ADGRG6: variants seen among roughly 807,000 people sequenced by gnomAD.
The protein encoded by ADGRG6 is G-protein coupled receptor 126.
ADGRG6 carries 84 observed loss-of-function variants against 142.4 expected under a neutral mutation model. The observed-to-expected ratio is 0.59, with a 90% CI of 0.49 to 0.71. The LOEUF (loss-of-function observed/expected upper bound fraction) is 0.71. ADGRG6 is among the 30% of genes least tolerant of loss of function. The pLI is 0.00. For missense variants in ADGRG6, 1,367 were observed against 1,466.6 expected, an observed-to-expected ratio of 0.93 and a Z score of 1.11; for synonymous variants, 521 against 520.5, an observed-to-expected ratio of 1.00 and a Z score of -0.01.
intron 2 of ADGRG6, among the ~76,000 whole-genome samples, chr6:142,321,624 G>A (rs975099675): frequency 6.6e-6 from 1 of 151,988 alleles, no homozygotes; most frequent in Non-Finnish European, 1.5e-5. Flanking sequence ...TTGTTTATAT[G>A]GAATTACGGA....
intron 19 of ADGRG6, among the ~76,000 whole-genome samples, chr6:142,415,452 C>T (rs955005914): frequency 6.6e-6 from 1 of 151,730 alleles, no homozygotes; most frequent in African/African-American, 2.4e-5. Flanking sequence ...CATTAAAAAT[C>T]AAAAAGGTTC....
At chr6:142,382,604 A>G (rs1781823847) in intron 5 of ADGRG6, among the ~76,000 whole-genome samples, 2 of 152,248 alleles carry the variant, frequency 1.3e-5, no homozygotes, top group Non-Finnish European at 2.9e-5. Context: ...TAAATAATAC[A>G]TAATTAAAGT....
chr6:142,321,619 T>C (rs1395717747), intron 2 of ADGRG6, among the ~76,000 whole-genome samples: 3 of 152,190 alleles, frequency 2.0e-5, no homozygotes, highest in Admixed American at 6.6e-5. Flanking sequence ...TGATTTTGTT[T>C]ATATGGAATT....
In ADGRG6 at chr6:142,438,342, T is replaced by A; in HGVS notation, c.3552T>A (p.Tyr1184Ter). ...TSKSKSSSTT[Y>*]FKRNSHTDSA... Reference sequence around the variant, plus strand: ...AATCTAAATCCAGCTCTACCACCTATTTCAAAAGGAATAGCCACACAGGTG... The same window carrying A: ...AATCTAAATCCAGCTCTACCACCTAATTCAAAAGGAATAGCCACACAGGTG... Residue 1184 changes from tyrosine (Y) to a stop codon, truncating the protein, a stop_gained, in exon 24 of 25, where the codon TAT becomes TAA. Coordinates refer to ENST00000367609, the MANE Select transcript of ADGRG6 (RefSeq NM_198569.3). LOFTEE classifies it high-confidence loss of function. The A allele has an allele frequency of 6.2e-7, 1 of 1,608,914 alleles. No individual in the cohort carries two copies. Among genetic ancestry groups the A allele is most frequent in the South Asian group, 1.1e-5 (1 of 90,182 alleles).
Position 142,329,918 on chromosome 6 carries a change from A to G in ADGRG6, c.103+20274A>G, listed in dbSNP as rs1185236022. Reference sequence around the variant, plus strand: ...GAAGACAGCTGTGTAAAGGTGAGATACGTGAGCACTGATGAACTTCACTCT... The same window carrying G: ...GAAGACAGCTGTGTAAAGGTGAGATGCGTGAGCACTGATGAACTTCACTCT... On this transcript the variant is annotated intron_variant, in intron 2 of 24. Coordinates refer to ENST00000367609, the MANE Select transcript of ADGRG6 (RefSeq NM_198569.3). Among the ~76,000 whole-genome samples the G allele has an allele frequency of 3.3e-5, 5 of 152,296 alleles. No homozygotes were observed. The East Asian group carries it at 9.7e-4, about 29-fold the overall frequency.
intron 23 of ADGRG6, 41 bp from the exon 24 acceptor site, chr6:142,438,171 G>A (rs188827065): frequency 7.7e-5 from 108 of 1,393,758 alleles, no homozygotes; most frequent in Non-Finnish European, 9.3e-5. Context: ...TCATATTCCC[G>A]GTAAAGCAGA....
intron 14 of ADGRG6, among the ~76,000 whole-genome samples, chr6:142,405,067 T>C (rs574949839): frequency 1.3e-5 from 2 of 152,156 alleles, no homozygotes; most frequent in African/African-American, 4.8e-5. Flanking sequence ...AAACTGAAAA[T>C]ATAAAAAGCC....
rs1466591284 is a variant in ADGRG6, at chr6:142,370,519, T to C, written c.795T>C (p.Gly265=). 6.2e-7 allele frequency: 1 copy of C among 1,613,668 alleles called. No homozygotes were observed. Among genetic ancestry groups the C allele is most frequent in the Non-Finnish European group, 8.5e-7 (1 of 1,179,610 alleles). The part of the protein sequence containing the change: ...LVWNNSLGSI[G]VNFKRNYETV... ...GGAATAATTCTTTGGGCTCTATTGG[T>C]GTAAATTTCAAAAGAAACTATGAAA... Residue 265 remains glycine (G), a synonymous_variant, in exon 4 of 25, where the codon GGT becomes GGC. Transcript: ENST00000367609.
chr6:142,395,837 A>G (rs1013321626), intron 9 of ADGRG6, among the ~76,000 whole-genome samples: 1 of 152,174 alleles, frequency 6.6e-6, no homozygotes, highest in African/African-American at 2.4e-5. Context: ...GTTTTTTAAA[A>G]AAACTTTTCC....
At chr6:142,382,417 A>G (rs181828026) in intron 5 of ADGRG6, among the ~76,000 whole-genome samples, 3 of 152,324 alleles carry the variant, frequency 2.0e-5, no homozygotes, top group East Asian at 1.9e-4. Context: ...TAATTTGACT[A>G]TTCAGTTAAC....
At chr6:142,354,790 T>C (rs1316420231) in intron 2 of ADGRG6, among the ~76,000 whole-genome samples, 5 of 152,246 alleles carry the variant, frequency 3.3e-5, no homozygotes, top group Non-Finnish European at 5.9e-5. Context: ...AATCAAGTTT[T>C]ATTAAAAATT....
At chr6:142,425,787 T>G (rs765937806) in intron 22 of ADGRG6, among the ~76,000 whole-genome samples, 1 of 152,124 alleles carries the variant, frequency 6.6e-6, no homozygotes, top group Non-Finnish European at 1.5e-5. Context: ...GACTTACAGT[T>G]CCACGTGACT....
intron 2 of ADGRG6, among the ~76,000 whole-genome samples, chr6:142,361,010 C>A (rs999241571): frequency 6.6e-6 from 1 of 152,186 alleles, no homozygotes; most frequent in Non-Finnish European, 1.5e-5. Context: ...AAGGCAGCTG[C>A]TGCCTTTGAA....
intron 2 of ADGRG6, among the ~76,000 whole-genome samples, chr6:142,310,184 C>G (rs1777696581): frequency 6.6e-6 from 1 of 151,368 alleles, no homozygotes; most frequent in African/African-American, 2.4e-5. Flanking sequence ...AGTATTTTTT[C>G]TAGTTACATT....
chr6:142,362,364 C>T (rs377371598), intron 2 of ADGRG6, among the ~76,000 whole-genome samples: 24 of 152,270 alleles, frequency 1.6e-4, no homozygotes, highest in African/African-American at 5.1e-4. Flanking sequence ...AACAATTATC[C>T]GGTTTACTCA....
chr6:142,354,191 A>C (rs935257313), intron 2 of ADGRG6, among the ~76,000 whole-genome samples: 1 of 152,170 alleles, frequency 6.6e-6, no homozygotes. Flanking sequence ...CTATTAAAAA[A>C]AACCTTGGTG....
chr6:142,390,219 A>G lies in ADGRG6; in HGVS notation c.1223-39A>G, dbSNP rs769165408. The G allele has an allele frequency of 8.4e-6, 8 of 955,010 alleles. No homozygotes were observed. In the South Asian group the frequency reaches 1.3e-4, roughly 15 times the overall value. The allele number at this position is 955,010 out of a possible 1,614,324, so 59.2% of individuals were successfully genotyped here. A position where few individuals can be genotyped will look rare whatever the true frequency, so the allele number is the denominator to read the frequency against. Reference sequence around the variant, plus strand: ...TTGTTTGATAATTATATAACTATAAACATATAATTAATGGACTAATCCTAT... The same window carrying G: ...TTGTTTGATAATTATATAACTATAAGCATATAATTAATGGACTAATCCTAT... On this transcript the variant is annotated intron_variant, in intron 6 of 24. Coordinates refer to ENST00000367609, the MANE Select transcript of ADGRG6 (RefSeq NM_198569.3).
intron 2 of ADGRG6, among the ~76,000 whole-genome samples, chr6:142,346,457 G>T (rs1243280825): frequency 6.6e-6 from 1 of 152,084 alleles, no homozygotes; most frequent in East Asian, 1.9e-4. Context: ...CTTTTGAGAA[G>T]TATCTGTTCA....
intron 13 of ADGRG6, 113 bp from the exon 14 acceptor site, chr6:142,403,689 A>T (rs1562369778): frequency 1.5e-6 from 1 of 660,018 alleles, no homozygotes; most frequent in Non-Finnish European, 2.5e-6. Context: ...TAAGATCAGA[A>T]AATCTAAACA....
Sources: allele counts gnomAD v4.1 joint callset (sites outside exome capture counted in the v4.1 genomes callset), GRCh38; gene constraint gnomAD v4.1.1; transcripts MANE v1.5; gene names NCBI Gene and HGNC (gene_info 2026-07-23, HGNC 2026-07-21).